MLXIP: variants seen among roughly 807,000 people sequenced by gnomAD.
MLXIP encodes MLX-interacting protein.
A neutral mutation model predicts 87.2 loss-of-function variants in MLXIP; 30 were observed. The observed-to-expected ratio is 0.34, with a 90% confidence interval of 0.26 to 0.47. The LOEUF (loss-of-function observed/expected upper bound fraction) is 0.47, where lower values mean the gene tolerates loss of function less well. Among genes scored for constraint, MLXIP ranks in the 20% least tolerant of loss-of-function variants. The probability of loss-of-function intolerance (pLI) is 1.00; values close to 1 mark genes in which losing one functional copy is unlikely to be tolerated. For synonymous variants in MLXIP, 530 were observed against 514.0 expected (o/e 1.03, Z -0.42); for missense variants, 1,002 against 1,240.1 (o/e 0.81, Z 2.88).
At chr12:122,097,996 G>A (rs1952381743) in intron 1 of MLXIP, among the ~76,000 whole-genome samples, 1 of 152,236 alleles carries the variant, frequency 6.6e-6, no homozygotes. Flanking sequence ...GCTATGCACG[G>A]CCTCCTTCAG....
At chr12:122,109,315 C>G (rs945119640) in intron 1 of MLXIP, among the ~76,000 whole-genome samples, 2 of 152,308 alleles carry the variant, frequency 1.3e-5, no homozygotes, top group South Asian at 4.1e-4. Flanking sequence ...GTGATCCGCC[C>G]GCCTTGGCCT....
rs778111588 is a variant in MLXIP, at chr12:122,141,007, C to T, written c.2562C>T (p.Thr854=). 1.2e-6 allele frequency: 2 copies of T among 1,614,024 alleles called. No individual in the cohort carries two copies. Among genetic ancestry groups the T allele is most frequent in the Non-Finnish European group, 1.7e-6 (2 of 1,179,912 alleles). ...AGTCGTTCAAGGGCATGGTGTCCAC[C>T]AGCAGCCTGGAGGAGCTGCACCGGA... is the stretch of plus-strand genomic sequence containing the variant. The part of the protein sequence containing the change: ...LFESFKGMVS[T]SSLEELHRTA... Residue 854 remains threonine, a synonymous_variant, in exon 16 of 17, where the codon ACC becomes ACT. Transcript: ENST00000319080.
At chr12:122,134,204 G>GT (rs1491085866) in intron 9 of MLXIP, 51 of 585,660 alleles carry the variant, frequency 8.7e-5, no homozygotes, top group Middle Eastern at 6.6e-4. Context: ...TTTTTTGTTT[G>GT]GTTTTTTTTT....
In MLXIP at chr12:122,137,749, C is replaced by T; in HGVS notation, c.2154+159C>T. ...GCTTCTCCTTGCCCCATGCCACGAA[C>T]CAGCCCTGTGGGGATGGTGGGCCCC... is the stretch of plus-strand genomic sequence containing the variant. On this transcript the variant is annotated intron_variant, in intron 12 of 16. Coordinates refer to ENST00000319080, the MANE Select transcript of MLXIP (RefSeq NM_014938.6). This position sits in a 1 kb window ranked among gnomAD's most constrained non-coding sequence, Gnocchi z 4.1. The T allele has an allele frequency of 1.9e-5, 14 of 719,072 alleles. No individual in the cohort carries two copies. The highest frequency in any genetic ancestry group is 2.4e-5 in the Non-Finnish European group (14 of 586,940). The allele number at this position is 719,072 out of a possible 1,614,324, so 44.5% of individuals were successfully genotyped here. A position where few individuals can be genotyped will look rare whatever the true frequency, so the allele number is the denominator to read the frequency against.
At chr12:122,109,853 T>A (rs1480785183) in intron 1 of MLXIP, among the ~76,000 whole-genome samples, 2 of 152,260 alleles carry the variant, frequency 1.3e-5, no homozygotes, top group African/African-American at 4.8e-5. Context: ...TTGGAATTTC[T>A]ATTATGTGAT....
intron 1 of MLXIP, among the ~76,000 whole-genome samples, chr12:122,107,115 AAG>A (rs1200527134): frequency 6.6e-6 from 1 of 152,140 alleles, no homozygotes; most frequent in African/African-American, 2.4e-5. Flanking sequence ...TAGCTTGACT[AAG>A]AGGCACTTGA....
intron 1 of MLXIP, among the ~76,000 whole-genome samples, chr12:122,088,575 A>G (rs1952201460): frequency 6.6e-6 from 1 of 152,164 alleles, no homozygotes; most frequent in Admixed American, 6.6e-5. Flanking sequence ...CTACAAGAAG[A>G]TGGAACAGCT....
chr12:122,132,377 T>C lies in MLXIP; in HGVS notation c.1086T>C (p.Pro362=), dbSNP rs1218052934. ...CTGTACCAGATCCCAACAACCCACC[T>C]GCACAGGTAGAGGAAGCTGGGGGAT... The part of the protein sequence containing the change: ...SAPVPDPNNP[P]AQESILPTTA... The change falls in exon 8 of 17, where the codon CCT becomes CCC. Residue 362 remains proline (P), a synonymous_variant. Transcript: ENST00000319080. 4 of 1,610,098 alleles carry C rather than the reference T, an allele frequency of 2.5e-6. No homozygotes were observed. Among genetic ancestry groups the C allele is most frequent in the Non-Finnish European group, 3.4e-6 (4 of 1,177,720 alleles).
intron 8 of MLXIP, chr12:122,132,974 G>T: frequency 4.9e-6 from 1 of 202,496 alleles, no homozygotes; most frequent in Non-Finnish European, 9.9e-6. Flanking sequence ...CAGTTGACAC[G>T]TGAAATTGTC....
rs1953221243 is a variant in MLXIP at position 122,142,243 on chromosome 12, TG to T, written c.*432del. 2.9e-6 allele frequency: 2 copies of T among 698,712 alleles called. No individual in the cohort carries two copies. The highest frequency in any genetic ancestry group is 4.0e-5 in the Admixed American group (2 of 49,896). 43.3% of individuals were successfully genotyped at this position (698,712 alleles called of 1,614,324 possible). ...CACGTCCTGTCCACATGCATGCCTC[TG>T]CCTGATGCCCTGCTCCACTCTCTGG... is the stretch of plus-strand genomic sequence containing the variant. On this transcript the variant is annotated 3_prime_UTR_variant, in exon 17 of 17. Transcript: ENST00000319080.
At chr12:122,094,928 TG>T (rs1178742535) in intron 1 of MLXIP, among the ~76,000 whole-genome samples, 3 of 145,008 alleles carry the variant, frequency 2.1e-5, no homozygotes, top group Non-Finnish European at 4.5e-5. Context: ...TGTCTGGTGT[TG>T]GTGTGTGATT....
At chr12:122,107,010 C>G (rs561347198) in intron 1 of MLXIP, among the ~76,000 whole-genome samples, 1 of 152,336 alleles carries the variant, frequency 6.6e-6, no homozygotes, top group South Asian at 2.1e-4. Flanking sequence ...GGGCCCACGC[C>G]TCTCCTCTGA....
intron 1 of MLXIP, among the ~76,000 whole-genome samples, chr12:122,096,690 C>T (rs1952357194): frequency 1.3e-5 from 2 of 152,248 alleles, no homozygotes; most frequent in South Asian, 2.1e-4. Context: ...GTAGAACGCA[C>T]AGTCAGCAGC....
At chr12:122,117,761 G>A (rs527909674) in intron 1 of MLXIP, among the ~76,000 whole-genome samples, 3 of 152,184 alleles carry the variant, frequency 2.0e-5, no homozygotes, top group South Asian at 4.2e-4. Context: ...AGATAGTGCC[G>A]AACCCTGTAT....
Position 122,135,805 on chromosome 12 carries a change from G to A in MLXIP, c.2032+139G>A, listed in dbSNP as rs1021997234. 7 of 1,045,158 alleles carry A rather than the reference G, an allele frequency of 6.7e-6. No homozygotes were observed. The African/African-American group carries it at 1.1e-4, about 17-fold the overall frequency. The allele number at this position is 1,045,158 out of a possible 1,614,324, so 64.7% of individuals were successfully genotyped here. A position where few individuals can be genotyped will look rare whatever the true frequency, so the allele number is the denominator to read the frequency against. On this transcript the variant is annotated intron_variant, in intron 11 of 16. Transcript: ENST00000319080. The surrounding 1 kb of genome is among the most constrained non-coding windows in gnomAD (Gnocchi z 5.3). ...CACAGTGAGGTCTTGTAGGCCTGCTGATAACACAGTCTGGGAACACGCTCT... is the reference window on the plus strand; with the variant it reads ...CACAGTGAGGTCTTGTAGGCCTGCTAATAACACAGTCTGGGAACACGCTCT...
chr12:122,109,473 C>T (rs561063321), intron 1 of MLXIP, among the ~76,000 whole-genome samples: 5 of 152,292 alleles, frequency 3.3e-5, no homozygotes, highest in South Asian at 2.1e-4. Context: ...TGTGAGCCAC[C>T]GTGCCTGGCC....
intron 1 of MLXIP, among the ~76,000 whole-genome samples, chr12:122,112,487 A>G (rs1263197290): frequency 1.3e-5 from 2 of 151,982 alleles, no homozygotes; most frequent in East Asian, 3.9e-4. Context: ...AAATATATAT[A>G]TAAAAAAATA....
At position 122,141,826 on chromosome 12, in the gene MLXIP, A is replaced by G. The variant is rs1311770638; in HGVS notation, c.*14A>G. On this transcript the variant is annotated 3_prime_UTR_variant, in exon 17 of 17. Transcript: ENST00000319080. ...GGAGAGTCCTAGCTGCTTAGCTGGC[A>G]TGTGGCCGCATGAGATGCCAGGAGA... 6.2e-6 allele frequency: 10 copies of G among 1,612,550 alleles called. No homozygotes were observed. The highest frequency in any genetic ancestry group is 4.0e-5 in the African/African-American group (3 of 74,922).
Position 122,147,087 on chromosome 12 carries a change from G to T in MLXIP, c.*5275G>T, listed in dbSNP as rs1338481158. 6.6e-6 allele frequency: 1 copy of T among 152,350 alleles called. No individual in the cohort carries two copies. The highest frequency in any genetic ancestry group is 1.5e-5 in the Non-Finnish European group (1 of 68,038). The allele number at this position is 152,350 out of a possible 1,614,324, so 9.4% of individuals were successfully genotyped here. On this transcript the variant is annotated 3_prime_UTR_variant, in exon 17 of 17. Transcript: ENST00000319080. ...GGTTCAGTTTGTTGTGTAAATGGCG[G>T]TTTTTTCTGGTGTGAGCTTTGGTGA...
Sources: allele counts gnomAD v4.1 joint callset (sites outside exome capture counted in the v4.1 genomes callset), GRCh38; gene constraint gnomAD v4.1.1; non-coding constraint Gnocchi (gnomAD v3.1); transcripts MANE v1.5; gene names NCBI Gene and HGNC (gene_info 2026-07-23, HGNC 2026-07-21).